OXR1: variants seen among roughly 807,000 people sequenced by gnomAD.
The protein encoded by OXR1 is oxidation resistance 1.
Under a neutral mutation model 104.6 loss-of-function variants are expected in OXR1, and 41 were observed. The ratio of observed to expected loss-of-function variants is 0.39; its 90% confidence interval spans 0.31 to 0.51. The LOEUF (loss-of-function observed/expected upper bound fraction) is 0.51. OXR1 is among the 20% of genes least tolerant of loss of function. The pLI, the probability that OXR1 is intolerant of heterozygous loss-of-function variation, is 0.77. For missense variants in OXR1, 955 were observed against 1,031.9 expected (o/e 0.93, Z 1.02); for synonymous variants, 348 against 348.4 (o/e 1.00, Z 0.01).
chr8:106,447,926 C>T lies in OXR1; in HGVS notation c.24-71017C>T, dbSNP rs970584645. 3.9e-6 allele frequency: 6 copies of T among 1,529,408 alleles called. No individual in the cohort carries two copies. The African/African-American group carries it at 4.1e-5, about 11-fold the overall frequency. The allele number at this position is 1,529,408 out of a possible 1,614,324, so 94.7% of individuals were successfully genotyped here. On this transcript the variant is annotated intron_variant, in intron 2 of 16. Transcript: ENST00000517566. Reference sequence around the variant, plus strand: ...TGGCGGAGGTAGTGGGTGGAGCTAACGAGACATCTAGTACGGGGCTCACAG... The same window carrying T: ...TGGCGGAGGTAGTGGGTGGAGCTAATGAGACATCTAGTACGGGGCTCACAG...
chr8:106,579,591 T>C (rs960589876), intron 3 of OXR1, among the ~76,000 whole-genome samples: 11 of 152,112 alleles, frequency 7.2e-5, no homozygotes, highest in African/African-American at 2.4e-4. Context: ...GCACTGCTCA[T>C]GAGAACCCCA....
intron 2 of OXR1, among the ~76,000 whole-genome samples, chr8:106,504,614 A>G (rs1421899601): frequency 6.6e-6 from 1 of 152,234 alleles, no homozygotes; most frequent in East Asian, 1.9e-4. Flanking sequence ...TACTGTCACT[A>G]TAACATTAAT....
Position 106,372,819 on chromosome 8 carries a change from A to G in OXR1, c.23+13183A>G, listed in dbSNP as rs147329693. Among the ~76,000 whole-genome samples the G allele has an allele frequency of 6.8e-3, 1,032 of 152,360 alleles. 7 individuals carry two copies. The highest frequency in any genetic ancestry group is 0.012 in the Non-Finnish European group (815 of 68,020). ...ACATTACTGGTCCCAAGCATTTCAA[A>G]TAAGGGATACTCAATCTGTATAAAA... On this transcript the variant is annotated intron_variant, in intron 2 of 16. Transcript: ENST00000517566.
chr8:106,457,434 T>G (rs1820662537), intron 2 of OXR1, among the ~76,000 whole-genome samples: 1 of 152,192 alleles, frequency 6.6e-6, no homozygotes, highest in South Asian at 2.1e-4. Context: ...CAGACTGTGT[T>G]ATTCTCTTAT....
intron 3 of OXR1, among the ~76,000 whole-genome samples, chr8:106,530,301 G>A (rs978125781): frequency 6.6e-6 from 1 of 151,860 alleles, no homozygotes; most frequent in Non-Finnish European, 1.5e-5. Flanking sequence ...TTTCTTATTT[G>A]TTTTTTCTTC....
chr8:106,533,598 A>G (rs927655844), intron 3 of OXR1, among the ~76,000 whole-genome samples: 2 of 152,182 alleles, frequency 1.3e-5, no homozygotes, highest in East Asian at 1.9e-4. Flanking sequence ...CCTTTCTCCT[A>G]TATTATTTTG....
chr8:106,656,470 C>T (rs1470294613), intron 3 of OXR1: 3 of 152,234 alleles, frequency 2.0e-5, no homozygotes, highest in Admixed American at 6.5e-5. Context: ...AAGGCCCCAT[C>T]TCCTAATACC....
At chr8:106,451,228 T>C (rs1820297574) in intron 2 of OXR1, among the ~76,000 whole-genome samples, 1 of 152,208 alleles carries the variant, frequency 6.6e-6, no homozygotes, top group Non-Finnish European at 1.5e-5. Context: ...CATTCCATTC[T>C]AGACTACCTG....
chr8:106,285,543 A>C (rs1318854293), intron 1 of OXR1, among the ~76,000 whole-genome samples: 2 of 152,000 alleles, frequency 1.3e-5, no homozygotes, highest in Non-Finnish European at 2.9e-5. Flanking sequence ...AATTTCTGAA[A>C]CGTTTCATGT....
chr8:106,359,760 T>G (rs2130338381), intron 2 of OXR1, 124 bp downstream of exon 2: 2 of 721,626 alleles, frequency 2.8e-6, no homozygotes, highest in Non-Finnish European at 2.4e-6. Context: ...TTCCAAAGAT[T>G]ATTGTCCCAT....
chr8:106,703,632 T>C (rs1039975668), intron 8 of OXR1, among the ~76,000 whole-genome samples: 8 of 152,100 alleles, frequency 5.3e-5, no homozygotes, highest in Non-Finnish European at 1.0e-4. Flanking sequence ...AGAGTTAACT[T>C]TGGAATATAC....
intron 3 of OXR1, among the ~76,000 whole-genome samples, chr8:106,529,447 T>A (rs1485476704): frequency 6.6e-6 from 1 of 152,216 alleles, no homozygotes; most frequent in Non-Finnish European, 1.5e-5. Context: ...AGATTTTTTT[T>A]AACCAATCAT....
intron 1 of OXR1, among the ~76,000 whole-genome samples, chr8:106,329,349 AC>A (rs1330099740): frequency 7.3e-6 from 1 of 136,122 alleles, no homozygotes; most frequent in Non-Finnish European, 1.6e-5. Flanking sequence ...ACTCATTGAC[AC>A]TTTTTTTTTT....
At chr8:106,271,052 C>T (rs540101681) in intron 1 of OXR1, among the ~76,000 whole-genome samples, 20 of 152,122 alleles carry the variant, frequency 1.3e-4, no homozygotes, top group African/African-American at 4.8e-4. Flanking sequence ...AGAAAGTGGC[C>T]TGGAGGGCCG....
chr8:106,450,087 A>G (rs1289594479), intron 2 of OXR1, among the ~76,000 whole-genome samples: 1 of 152,224 alleles, frequency 6.6e-6, no homozygotes, highest in Non-Finnish European at 1.5e-5. Flanking sequence ...TGAATGAATC[A>G]TAATTTATTC....
intron 1 of OXR1, among the ~76,000 whole-genome samples, chr8:106,296,278 CTT>C (rs1489127760): frequency 2.0e-5 from 3 of 152,158 alleles, no homozygotes; most frequent in African/African-American, 4.8e-5. Flanking sequence ...CCAAAGATCT[CTT>C]TCTTACCCTG....
intron 1 of OXR1, among the ~76,000 whole-genome samples, chr8:106,291,828 A>G (rs1812768177): frequency 6.6e-6 from 1 of 152,198 alleles, no homozygotes; most frequent in African/African-American, 2.4e-5. Flanking sequence ...GGCAGGCAAG[A>G]GAGCATGTGC....
chr8:106,483,541 A>G (rs1277135732), intron 2 of OXR1, among the ~76,000 whole-genome samples: 2 of 151,936 alleles, frequency 1.3e-5, no homozygotes, highest in African/African-American at 4.8e-5. Flanking sequence ...CAAAAAATCC[A>G]CTTAACCCCA....
In OXR1 at chr8:106,301,973, A is replaced by G. The variant is rs145829106; in HGVS notation, c.-139+31606A>G. Among the ~76,000 whole-genome samples, 1,250 of 152,330 alleles carry G rather than the reference A, an allele frequency of 8.2e-3. 11 individuals are homozygous for G. Among genetic ancestry groups the G allele is most frequent in the Non-Finnish European group, 0.013 (902 of 68,022 alleles). ...AAAAGTATCACGAGTGAGAATTAAA[A>G]GCAGATCAGATAAAAACAAAAGTCA... On this transcript the variant is annotated intron_variant, in intron 1 of 16. Coordinates refer to ENST00000517566, the MANE Select transcript of OXR1 (RefSeq NM_001198533.2).
Sources: allele counts gnomAD v4.1 joint callset (sites outside exome capture counted in the v4.1 genomes callset), GRCh38; gene constraint gnomAD v4.1.1; transcripts MANE v1.5; gene names NCBI Gene and HGNC (gene_info 2026-07-23, HGNC 2026-07-21).